The following FRMD4A variants were observed in gnomAD, a reference collection of about 807,000 sequenced individuals.
The protein encoded by FRMD4A is FERM domain-containing protein 4A.
Under a neutral mutation model 129.1 loss-of-function variants are expected in FRMD4A, and 29 were observed. The observed-to-expected ratio is 0.22, with a 90% confidence interval of 0.17 to 0.31. FRMD4A has a LOEUF of 0.31. Ranked by LOEUF, FRMD4A falls within the 10% of genes least tolerant of loss-of-function variation. FRMD4A has a pLI of 1.00. For missense variants in FRMD4A, 1,272 were observed against 1,375.8 expected (o/e 0.92, Z 1.19); for synonymous variants, 634 against 571.6 (o/e 1.11, Z -1.56).
chr10:13,670,621 A>G (rs1488533534), intron 16 of FRMD4A, 93 bp from the exon 17 acceptor site: 1 of 1,301,628 alleles, frequency 7.7e-7, no homozygotes, highest in African/African-American at 1.5e-5. Context: ...ACACGCACAC[A>G]AAAATGCACG....
chr10:14,043,577 G>A (rs1337807176), intron 2 of FRMD4A, among the ~76,000 whole-genome samples: 2 of 152,098 alleles, frequency 1.3e-5, no homozygotes, highest in African/African-American at 2.4e-5. Context: ...CCACTCTGAT[G>A]AGGATTTCTC....
At chr10:14,143,276 A>G (rs780285102) in intron 2 of FRMD4A, among the ~76,000 whole-genome samples, 4 of 152,258 alleles carry the variant, frequency 2.6e-5, no homozygotes, top group Non-Finnish European at 4.4e-5. Flanking sequence ...TGGTATATAC[A>G]TACAATTAAA....
chr10:14,125,881 G>A (rs1230527996), intron 2 of FRMD4A, among the ~76,000 whole-genome samples: 2 of 150,012 alleles, frequency 1.3e-5, no homozygotes, highest in East Asian at 3.9e-4. Context: ...AAACAAAACA[G>A]AACAAAACAA....
chr10:14,000,813 G>C (rs1048406710), intron 2 of FRMD4A, among the ~76,000 whole-genome samples: 1 of 151,996 alleles, frequency 6.6e-6, no homozygotes, highest in South Asian at 2.1e-4. Context: ...AGCTAGATTG[G>C]ATGTTTTTGA....
At chr10:14,259,554 C>G (rs925377161) in intron 2 of FRMD4A, among the ~76,000 whole-genome samples, 2 of 152,124 alleles carry the variant, frequency 1.3e-5, no homozygotes, top group Non-Finnish European at 2.9e-5. Flanking sequence ...TCATTAAAAT[C>G]TTCATACCTC....
At chr10:14,292,731 T>C (rs1026046219) in intron 2 of FRMD4A, among the ~76,000 whole-genome samples, 49 of 151,864 alleles carry the variant, frequency 3.2e-4, no homozygotes, top group African/African-American at 1.1e-3. Context: ...ACTCGGGAGG[T>C]GGAGCTTGCA....
intron 6 of FRMD4A, among the ~76,000 whole-genome samples, chr10:13,776,158 A>G (rs2092592207): frequency 6.6e-6 from 1 of 151,950 alleles, no homozygotes; most frequent in South Asian, 2.1e-4. Context: ...GCTGGAGTGC[A>G]GTAGTGTGAT....
chr10:14,079,454 G>T lies in FRMD4A; in HGVS notation c.46-220542C>A, dbSNP rs577171927. 5.9e-5 allele frequency among the ~76,000 whole-genome samples: 9 copies of T among 152,180 alleles called. 1 individual carries two copies. The highest frequency in any genetic ancestry group is 8.8e-5 in the Non-Finnish European group (6 of 68,030). ...AAAAGTCAATCAAACAAAAATGACC[G>T]AAGTGTTTTCTAATATTTTCATTAA... On this transcript the variant is annotated intron_variant, in intron 2 of 24. Coordinates refer to ENST00000357447, the MANE Select transcript of FRMD4A (RefSeq NM_018027.5).
chr10:13,728,570 A>ATTTTTTTTT (rs1386167455), intron 12 of FRMD4A, among the ~76,000 whole-genome samples: 2 of 28,664 alleles, frequency 7.0e-5, no homozygotes, highest in South Asian at 2.0e-3. Context: ...GGTGATTACC[A>ATTTTTTTTT]TTCTTTTTTT....
chr10:14,000,667 A>AAAAAAAAAAAAAAAAAAAAAG (rs200369296), intron 2 of FRMD4A, among the ~76,000 whole-genome samples: 3 of 106,826 alleles, frequency 2.8e-5, no homozygotes, highest in Non-Finnish European at 4.0e-5. Flanking sequence ...AAAAAAAAAA[A>AAAAAAAAAAAAAAAAAAAAAG]AGAGAAGAAA....
At chr10:13,998,453 C>T (rs79055563) in intron 2 of FRMD4A, among the ~76,000 whole-genome samples, 2 of 152,290 alleles carry the variant, frequency 1.3e-5, no homozygotes, top group African/African-American at 2.4e-5. Context: ...CAATACAGAC[C>T]TCTCACCCAA....
intron 2 of FRMD4A, among the ~76,000 whole-genome samples, chr10:14,146,664 T>C (rs1276220375): frequency 6.6e-6 from 1 of 152,194 alleles, no homozygotes; most frequent in Non-Finnish European, 1.5e-5. Context: ...ATGACACTAA[T>C]GACTCAACAC....
intron 2 of FRMD4A, among the ~76,000 whole-genome samples, chr10:14,148,154 C>T (rs2131851024): frequency 6.6e-6 from 1 of 152,284 alleles, no homozygotes; most frequent in Middle Eastern, 3.4e-3. Flanking sequence ...GACCCACCAC[C>T]AAGCATTTGA....
chr10:13,929,027 C>T (rs1468405320), intron 2 of FRMD4A, among the ~76,000 whole-genome samples: 3 of 152,194 alleles, frequency 2.0e-5, no homozygotes, highest in African/African-American at 7.2e-5. Context: ...GCTTGGCACC[C>T]TTTTCTTTTT....
intron 2 of FRMD4A, among the ~76,000 whole-genome samples, chr10:13,919,619 A>G (rs1339172773): frequency 6.6e-6 from 1 of 152,158 alleles, no homozygotes; most frequent in Non-Finnish European, 1.5e-5. Flanking sequence ...AGGAATACTT[A>G]TTTCAAAATT....
chr10:13,898,597 C>A (rs1338599121), intron 2 of FRMD4A, among the ~76,000 whole-genome samples: 1 of 152,164 alleles, frequency 6.6e-6, no homozygotes, highest in Non-Finnish European at 1.5e-5. Flanking sequence ...AGGTTCTTAA[C>A]TCTAGGATTT....
At chr10:14,169,483 A>T (rs2131883005) in intron 2 of FRMD4A, among the ~76,000 whole-genome samples, 1 of 152,274 alleles carries the variant, frequency 6.6e-6, no homozygotes, top group East Asian at 1.9e-4. Flanking sequence ...GGGGTAACAT[A>T]ACATTATGGA....
intron 2 of FRMD4A, among the ~76,000 whole-genome samples, chr10:14,050,078 C>T (rs1046611969): frequency 2.0e-5 from 3 of 152,152 alleles, no homozygotes; most frequent in Non-Finnish European, 4.4e-5. Context: ...AGTTTCCTAC[C>T]TTTGCTATGC....
intron 2 of FRMD4A, among the ~76,000 whole-genome samples, chr10:14,329,686 G>A (rs1843434964): frequency 6.6e-6 from 1 of 152,160 alleles, no homozygotes; most frequent in Non-Finnish European, 1.5e-5. Context: ...CAGTTGCCCT[G>A]AGAAGATATC....
Sources: allele counts gnomAD v4.1 joint callset (sites outside exome capture counted in the v4.1 genomes callset), GRCh38; gene constraint gnomAD v4.1.1; transcripts MANE v1.5; gene names NCBI Gene and HGNC (gene_info 2026-07-23, HGNC 2026-07-21).